Variants in STMN4 observed in about 807,000 individuals in gnomAD.
STMN4 encodes stathmin-4.
STMN4 carries 12 observed loss-of-function variants against 29.1 expected under a neutral mutation model. That is an observed-to-expected ratio of 0.41 (90% CI 0.26 to 0.67). The LOEUF is 0.67. Ranked by LOEUF, STMN4 falls within the 30% of genes least tolerant of loss-of-function variation. The probability of loss-of-function intolerance (pLI) is 0.30; values close to 1 mark genes in which losing one functional copy is unlikely to be tolerated. For synonymous variants in STMN4, 114 were observed against 105.3 expected, an observed-to-expected ratio of 1.08 and a Z score of -0.51; for missense variants, 181 against 262.8, an observed-to-expected ratio of 0.69 and a Z score of 2.15.
Position 27,243,669 on chromosome 8 carries a change from GGGA to G in STMN4, c.13+39_13+41del, listed in dbSNP as rs759238561. Reference sequence around the variant, plus strand: ...TGAGTCCATGTTGGGTGAGGGCAGGGGGAATAGCCTACGCCCCTTAACACATGG... The same window carrying G: ...TGAGTCCATGTTGGGTGAGGGCAGGGATAGCCTACGCCCCTTAACACATGG... On this transcript the variant is annotated intron_variant, in intron 2 of 6. Transcript: ENST00000350889. The G allele has an allele frequency of 6.3e-6, 10 of 1,595,854 alleles. No individual in the cohort carries two copies. The South Asian group carries it at 9.9e-5, about 16-fold the overall frequency.
intron 1 of STMN4, among the ~76,000 whole-genome samples, chr8:27,253,050 A>T (rs1801837987): frequency 6.6e-6 from 1 of 152,212 alleles, no homozygotes; most frequent in Non-Finnish European, 1.5e-5. Context: ...CCCAGAGGTC[A>T]AGCTCTCTGC....
intron 6 of STMN4, among the ~76,000 whole-genome samples, chr8:27,237,765 A>G (rs1801351052): frequency 6.6e-6 from 1 of 152,224 alleles, no homozygotes; most frequent in African/African-American, 2.4e-5. Context: ...TGATCTTTAA[A>G]GAGAAGGGCA....
intron 1 of STMN4, among the ~76,000 whole-genome samples, chr8:27,255,232 TA>T (rs989209970): frequency 3.4e-4 from 51 of 152,072 alleles, no homozygotes; most frequent in African/African-American, 9.6e-4. Flanking sequence ...TTCTCAAGCT[TA>T]AAAAAAATGG....
At chr8:27,242,572 A>G in intron 2 of STMN4, 80 bp from the exon 3 acceptor site, 1 of 1,450,108 alleles carries the variant, frequency 6.9e-7, no homozygotes, top group South Asian at 1.2e-5. Context: ...TGGGGCTCTG[A>G]GCAGCCCAGG....
chr8:27,244,078 G>A (rs1015438790), intron 1 of STMN4, among the ~76,000 whole-genome samples: 2 of 152,174 alleles, frequency 1.3e-5, no homozygotes, highest in Non-Finnish European at 2.9e-5. Context: ...TCCCAAAAAC[G>A]TATGGATCAA....
chr8:27,242,605 A>T, intron 2 of STMN4, 113 bp from the exon 3 acceptor site: 3 of 919,934 alleles, frequency 3.3e-6, no homozygotes, highest in Non-Finnish European at 5.1e-6. Context: ...CACTCAAACC[A>T]CGCAGGCACA....
At chr8:27,248,408 G>C (rs536127662) in intron 1 of STMN4, among the ~76,000 whole-genome samples, 1 of 152,098 alleles carries the variant, frequency 6.6e-6, no homozygotes, top group Non-Finnish European at 1.5e-5. Context: ...TGTGGACTGG[G>C]TTTACTCAGG....
chr8:27,253,401 A>G (rs1801848609), intron 1 of STMN4, among the ~76,000 whole-genome samples: 1 of 152,218 alleles, frequency 6.6e-6, no homozygotes, highest in Admixed American at 6.5e-5. Context: ...TTTGTGTGAG[A>G]TGAGAGGTTT....
Position 27,235,572 on chromosome 8 carries a change from T to C in STMN4, c.*1274A>G, listed in dbSNP as rs1196536652. On this transcript the variant is annotated 3_prime_UTR_variant, in exon 7 of 7. Transcript: ENST00000350889. ...ATTTCCTTGCTCGTATTTTCTAATCTACCTAGAATCTCAAACCCCCAAAGC... is the reference window on the plus strand; with the variant it reads ...ATTTCCTTGCTCGTATTTTCTAATCCACCTAGAATCTCAAACCCCCAAAGC... The C allele has an allele frequency of 1.3e-5, 2 of 152,254 alleles. No individual in the cohort carries two copies. The highest frequency in any genetic ancestry group is 4.8e-5 in the African/African-American group (2 of 41,452). 9.4% of individuals were successfully genotyped at this position (152,254 alleles called of 1,614,324 possible).
chr8:27,241,595 G>T, intron 4 of STMN4, 82 bp downstream of exon 4: 1 of 1,509,842 alleles, frequency 6.6e-7, no homozygotes, highest in Admixed American at 1.7e-5. Flanking sequence ...ACAGGCAGGG[G>T]TGCGTTTCAG....
intron 1 of STMN4, among the ~76,000 whole-genome samples, chr8:27,252,260 G>A (rs974003499): frequency 1.4e-4 from 21 of 152,130 alleles, no homozygotes; most frequent in South Asian, 2.1e-4. Flanking sequence ...GAATAATGCC[G>A]CAATAAACAT....
intron 1 of STMN4, among the ~76,000 whole-genome samples, chr8:27,254,768 G>A (rs1374646635): frequency 7.2e-6 from 1 of 139,666 alleles, no homozygotes; most frequent in Non-Finnish European, 1.5e-5. Flanking sequence ...GATGGAGTGG[G>A]AGCACTCACA....
At position 27,236,758 on chromosome 8, in the gene STMN4, G is replaced by T; in HGVS notation, c.*88C>A. ...CCCCCTCCCCCCAAACCCCAGTGCTGGGAGCGCAGCCGGCGGGCGAGGCTG... is the reference window on the plus strand; with the variant it reads ...CCCCCTCCCCCCAAACCCCAGTGCTTGGAGCGCAGCCGGCGGGCGAGGCTG... On this transcript the variant is annotated 3_prime_UTR_variant, in exon 7 of 7. Coordinates refer to ENST00000350889, the MANE Select transcript of STMN4 (RefSeq NM_030795.4). The T allele has an allele frequency of 7.8e-7, 1 of 1,278,502 alleles. No homozygotes were observed. The highest frequency in any genetic ancestry group is 2.7e-5 in the East Asian group (1 of 36,994). 79.2% of individuals were successfully genotyped at this position (1,278,502 alleles called of 1,614,324 possible).
At chr8:27,254,882 G>A (rs558177552) in intron 1 of STMN4, among the ~76,000 whole-genome samples, 92 of 147,474 alleles carry the variant, frequency 6.2e-4, no homozygotes, top group Non-Finnish European at 1.1e-3. Context: ...TGTAGGGGAT[G>A]GAGTGGGAGC....
At chr8:27,251,638 GA>G (rs1801788584) in intron 1 of STMN4, among the ~76,000 whole-genome samples, 1 of 151,808 alleles carries the variant, frequency 6.6e-6, no homozygotes, top group African/African-American at 2.4e-5. Context: ...CTATGTAACA[GA>G]AAAAAAGAAA....
chr8:27,238,785 T>C (rs937144971), intron 6 of STMN4, among the ~76,000 whole-genome samples: 2 of 152,240 alleles, frequency 1.3e-5, no homozygotes, highest in African/African-American at 4.8e-5. Flanking sequence ...AAAATAAGGA[T>C]AACACCTGTC....
At chr8:27,253,369 A>G (rs1212028143) in intron 1 of STMN4, among the ~76,000 whole-genome samples, 1 of 152,256 alleles carries the variant, frequency 6.6e-6, no homozygotes, top group Non-Finnish European at 1.5e-5. Flanking sequence ...CATTAAGAAT[A>G]AAAGAGTATC....
At chr8:27,239,814 T>G in intron 6 of STMN4, 157 bp downstream of exon 6, 1 of 1,543,298 alleles carries the variant, frequency 6.5e-7, no homozygotes, top group South Asian at 1.2e-5. Flanking sequence ...TCCCTGATCA[T>G]CCTTCGGAAC....
intron 1 of STMN4, among the ~76,000 whole-genome samples, chr8:27,248,536 C>G (rs966963044): frequency 2.0e-5 from 3 of 152,140 alleles, no homozygotes; most frequent in Non-Finnish European, 2.9e-5. Flanking sequence ...TATCTCCCAC[C>G]CAGTAGGAAG....
Sources: allele counts gnomAD v4.1 joint callset (sites outside exome capture counted in the v4.1 genomes callset), GRCh38; gene constraint gnomAD v4.1.1; transcripts MANE v1.5; gene names NCBI Gene and HGNC (gene_info 2026-07-23, HGNC 2026-07-21).